The following DCDC2C variants were observed in gnomAD, a reference collection of about 807,000 sequenced individuals.
DCDC2C encodes doublecortin domain-containing protein 2C.
DCDC2C carries 44 observed loss-of-function variants against 45.0 expected under a neutral mutation model. The ratio of observed to expected loss-of-function variants is 0.98; its 90% CI spans 0.77 to 1.26. The LOEUF (loss-of-function observed/expected upper bound fraction) is 1.26. Among genes scored for constraint, DCDC2C ranks in the 50% most tolerant of loss-of-function variants. The pLI, the probability that DCDC2C is intolerant of heterozygous loss-of-function variation, is 0.00. For missense variants in DCDC2C, 447 were observed against 468.9 expected, an observed-to-expected ratio of 0.95 and a Z score of 0.43; for synonymous variants, 187 against 178.8, an observed-to-expected ratio of 1.05 and a Z score of -0.37.
intron 10 of DCDC2C, among the ~76,000 whole-genome samples, chr2:3,831,513 A>T (rs1057089312): frequency 6.6e-6 from 1 of 152,268 alleles, no homozygotes; most frequent in African/African-American, 2.4e-5. Flanking sequence ...GAAAAGATAC[A>T]ATCAAATATG....
intron 10 of DCDC2C, among the ~76,000 whole-genome samples, chr2:3,800,480 T>C (rs1671087288): frequency 6.6e-6 from 1 of 152,232 alleles, no homozygotes; most frequent in South Asian, 2.1e-4. Flanking sequence ...AATAGCCTCA[T>C]TCTGGGAGAA....
chr2:3,771,100 T>C (rs757671510), intron 8 of DCDC2C, among the ~76,000 whole-genome samples: 9 of 152,222 alleles, frequency 5.9e-5, no homozygotes, highest in Non-Finnish European at 1.2e-4. Context: ...TGTCTGTGGA[T>C]AGGAAGACCC....
intron 6 of DCDC2C, among the ~76,000 whole-genome samples, chr2:3,756,260 T>TA (rs2148132587): frequency 6.6e-6 from 1 of 152,278 alleles, no homozygotes; most frequent in South Asian, 2.1e-4. Flanking sequence ...ATCCTACAAA[T>TA]ACTGCCTTTT....
chr2:3,825,493 G>A (rs1219988531), intron 10 of DCDC2C, among the ~76,000 whole-genome samples: 1 of 152,188 alleles, frequency 6.6e-6, no homozygotes, highest in Non-Finnish European at 1.5e-5. Flanking sequence ...GCAGGAGCTT[G>A]TCATTACAGT....
At chr2:3,725,426 T>G (rs1369130610) in intron 2 of DCDC2C, among the ~76,000 whole-genome samples, 9 of 103,378 alleles carry the variant, frequency 8.7e-5, no homozygotes, top group African/African-American at 2.9e-4. Flanking sequence ...GGCTGCCAGG[T>G]GGATCCCAGA....
At chr2:3,744,274 A>G (rs913511202) in intron 4 of DCDC2C, among the ~76,000 whole-genome samples, 13 of 152,222 alleles carry the variant, frequency 8.5e-5, no homozygotes, top group Non-Finnish European at 1.6e-4. Context: ...CTCATGGCAC[A>G]GCAGGCGGAG....
chr2:3,726,751 C>T (rs961491860), intron 2 of DCDC2C, among the ~76,000 whole-genome samples: 10 of 152,204 alleles, frequency 6.6e-5, no homozygotes, highest in African/African-American at 2.2e-4. Flanking sequence ...CCGCACCCTG[C>T]ACTTCCCTCC....
rs144633177 is a variant in DCDC2C, at chr2:3,734,846, G to T, written c.417-7074G>T. On this transcript the variant is annotated intron_variant, in intron 3 of 10. Transcript: ENST00000399143. This position sits in a 1 kb window ranked among gnomAD's most constrained non-coding sequence, Gnocchi z 4.2. Reference sequence around the variant, plus strand: ...AGGGAGTAATTGGGAAGTTCAAGGTGGGGGTGAAAGTACAGAGCCCTTCAG... The same window carrying T: ...AGGGAGTAATTGGGAAGTTCAAGGTTGGGGTGAAAGTACAGAGCCCTTCAG... Among the ~76,000 whole-genome samples, 1,251 of 152,280 alleles carry T rather than the reference G, an allele frequency of 8.2e-3. 16 individuals are homozygous for T. The highest frequency in any genetic ancestry group is 9.6e-3 in the Non-Finnish European group (656 of 68,018).
intron 10 of DCDC2C, among the ~76,000 whole-genome samples, chr2:3,815,726 C>T (rs151131568): frequency 0.013 from 1,957 of 151,622 alleles, 31 homozygotes; most frequent in Non-Finnish European, 0.02. Context: ...GGAAGTTGTT[C>T]TCTGGCAGGG....
chr2:3,747,958 A>G (rs1161471354), intron 4 of DCDC2C, among the ~76,000 whole-genome samples: 2 of 152,154 alleles, frequency 1.3e-5, no homozygotes, highest in African/African-American at 4.8e-5. Context: ...TTGAGAACAC[A>G]TCTGAATGGC....
chr2:3,784,229 G>A (rs561268004), intron 9 of DCDC2C, among the ~76,000 whole-genome samples: 1 of 152,224 alleles, frequency 6.6e-6, no homozygotes, highest in Middle Eastern at 3.4e-3. Context: ...ATATTTTTAT[G>A]TTAATATGGA....
chr2:3,736,383 G>T (rs559931826), intron 3 of DCDC2C, among the ~76,000 whole-genome samples: 1 of 152,214 alleles, frequency 6.6e-6, no homozygotes, highest in African/African-American at 2.4e-5. Flanking sequence ...TCGGAGGAAC[G>T]GAGCAGGAGA....
chr2:3,775,065 G>GGAT (rs1298262623), intron 8 of DCDC2C, among the ~76,000 whole-genome samples: 1 of 149,270 alleles, frequency 6.7e-6, no homozygotes, highest in Non-Finnish European at 1.5e-5. Flanking sequence ...GCGCCTGGCT[G>GGAT]GATGTTTTTT....
intron 6 of DCDC2C, among the ~76,000 whole-genome samples, chr2:3,755,477 G>C (rs1453320373): frequency 6.8e-6 from 1 of 147,870 alleles, no homozygotes; most frequent in Non-Finnish European, 1.5e-5. Flanking sequence ...GGAGACATGT[G>C]TGCATGTGTA....
intron 4 of DCDC2C, among the ~76,000 whole-genome samples, chr2:3,747,126 C>A (rs192472774): frequency 6.6e-6 from 1 of 152,290 alleles, no homozygotes; most frequent in East Asian, 1.9e-4. Context: ...ATGATGAATG[C>A]CAGGGCGGGA....
intron 6 of DCDC2C, among the ~76,000 whole-genome samples, chr2:3,755,154 G>GATGC (rs1359448313): frequency 6.6e-6 from 1 of 151,302 alleles, no homozygotes; most frequent in Non-Finnish European, 1.5e-5. Context: ...TGTATGTATG[G>GATGC]ATGCATGTGT....
Position 3,770,832 on chromosome 2 carries a change from C to T in DCDC2C, c.954+1421C>T, listed in dbSNP as rs574956168. Among the ~76,000 whole-genome samples the T allele has an allele frequency of 4.6e-5, 7 of 152,258 alleles. 1 individual carries two copies. In the East Asian group the frequency reaches 5.8e-4, roughly 13 times the overall value. ...GGTTGCCGGTGATTCTGATTTCCAT[C>T]GACTTTGAGGCAGTGGAGTGAATTC... On this transcript the variant is annotated intron_variant, in intron 8 of 10. Coordinates refer to ENST00000399143, the MANE Select transcript of DCDC2C (RefSeq NM_001287444.2).
At chr2:3,738,222 A>G (rs553969288) in intron 3 of DCDC2C, among the ~76,000 whole-genome samples, 25 of 152,318 alleles carry the variant, frequency 1.6e-4, no homozygotes, top group African/African-American at 5.8e-4. Flanking sequence ...GTTCACATCA[A>G]TGTGTTTCAC....
At chr2:3,799,431 GA>G (rs1253862439) in intron 10 of DCDC2C, among the ~76,000 whole-genome samples, 1 of 152,212 alleles carries the variant, frequency 6.6e-6, no homozygotes, top group African/African-American at 2.4e-5. Flanking sequence ...TCCTTTGGAG[GA>G]GGAGAGGTGC....
Sources: gnomAD v4.1 joint callset for allele counts (sites outside exome capture counted in the v4.1 genomes callset) on GRCh38, gnomAD v4.1.1 for gene constraint, Gnocchi (gnomAD v3.1) non-coding constraint, MANE v1.5 for transcripts, NCBI Gene and HGNC (gene_info 2026-07-23, HGNC 2026-07-21) for gene names.